The following EXOC4 variants were observed in gnomAD, a reference collection of about 807,000 sequenced individuals.
The protein encoded by EXOC4 is exocyst complex component 4.
Under a neutral mutation model 107.2 loss-of-function variants are expected in EXOC4, and 71 were observed. That is an observed-to-expected ratio of 0.66 (90% CI 0.55 to 0.81). EXOC4 has a LOEUF of 0.81. Among genes scored for constraint, EXOC4 ranks in the 30% least tolerant of loss-of-function variants. The pLI, the probability that EXOC4 is intolerant of heterozygous loss-of-function variation, is 0.00. For synonymous variants in EXOC4, 456 were observed against 441.2 expected, an observed-to-expected ratio of 1.03 and a Z score of -0.42; for missense variants, 1,108 against 1,189.6, an observed-to-expected ratio of 0.93 and a Z score of 1.01.
intron 10 of EXOC4, among the ~76,000 whole-genome samples, chr7:133,677,368 A>G (rs945278396): frequency 6.6e-6 from 1 of 152,260 alleles, no homozygotes; most frequent in Admixed American, 6.5e-5. Context: ...TTTCATCTTT[A>G]GACACTTCCA....
In EXOC4 at chr7:133,735,219, CAAAAAAAAAAAAAAA is replaced by C. The variant is rs56769096; in HGVS notation, c.1515-82087_1515-82073del. 2.6e-3 allele frequency among the ~76,000 whole-genome samples: 87 copies of C among 33,512 alleles called. 1 individual carries two copies. In the East Asian group the frequency reaches 0.048, roughly 18 times the overall value. The allele number at this position is 33,512 out of a possible 152,430, so 22.0% of individuals were successfully genotyped here. On this transcript the variant is annotated intron_variant, in intron 10 of 17. Transcript: ENST00000253861. ...TGGGTGACAGAGGAAGACTCTGTCT[CAAAAAAAAAAAAAAA>C]AAAAAAAAAAAAAAAAAAGTTAAAG...
At chr7:133,397,124 G>C (rs1796985683) in intron 7 of EXOC4, among the ~76,000 whole-genome samples, 1 of 147,548 alleles carries the variant, frequency 6.8e-6, no homozygotes, top group East Asian at 2.0e-4. Flanking sequence ...GTTTCATTTG[G>C]TTTTCTTTTC....
At chr7:133,653,167 TG>T (rs1803203227) in intron 10 of EXOC4, among the ~76,000 whole-genome samples, 1 of 152,178 alleles carries the variant, frequency 6.6e-6, no homozygotes, top group African/African-American at 2.4e-5. Context: ...ATGGTGGGCC[TG>T]GGGGTGTCTT....
At chr7:133,467,347 A>G (rs375392521) in intron 7 of EXOC4, among the ~76,000 whole-genome samples, 1 of 151,360 alleles carries the variant, frequency 6.6e-6, no homozygotes, top group African/African-American at 2.4e-5. Context: ...AAACCTTTTA[A>G]TTTTTTAAAT....
At chr7:133,710,451 G>T (rs997487010) in intron 10 of EXOC4, among the ~76,000 whole-genome samples, 2 of 151,958 alleles carry the variant, frequency 1.3e-5, no homozygotes, top group South Asian at 4.2e-4. Context: ...ACGAGGTCAG[G>T]AGATCGAGAC....
intron 9 of EXOC4, among the ~76,000 whole-genome samples, chr7:133,530,975 GTC>G (rs1800171691): frequency 6.6e-6 from 1 of 152,032 alleles, no homozygotes; most frequent in Non-Finnish European, 1.5e-5. Context: ...TAGTTAAAGT[GTC>G]TCTAAGGTTG....
intron 10 of EXOC4, among the ~76,000 whole-genome samples, chr7:133,751,015 A>G (rs957151717): frequency 4.6e-5 from 7 of 152,196 alleles, no homozygotes; most frequent in African/African-American, 1.7e-4. Context: ...TAGTGTGGAG[A>G]AGGACCATTT....
intron 4 of EXOC4, among the ~76,000 whole-genome samples, chr7:133,312,587 T>C (rs997998682): frequency 6.6e-6 from 1 of 152,122 alleles, no homozygotes; most frequent in Non-Finnish European, 1.5e-5. Flanking sequence ...ATTATACCCT[T>C]GAAGGGAAAA....
intron 10 of EXOC4, among the ~76,000 whole-genome samples, chr7:133,779,927 C>A (rs534399217): frequency 2.6e-5 from 4 of 152,278 alleles, no homozygotes; most frequent in African/African-American, 9.6e-5. Flanking sequence ...CTCTTTGGGT[C>A]CCTGCTGTCT....
At chr7:134,025,076 A>T (rs904264184) in intron 17 of EXOC4, among the ~76,000 whole-genome samples, 4 of 152,306 alleles carry the variant, frequency 2.6e-5, no homozygotes, top group Middle Eastern at 3.4e-3. Context: ...TTCCTGGCTC[A>T]TCTTGGAGTT....
At position 133,576,647 on chromosome 7, in the gene EXOC4, C is replaced by G. The variant is rs758209487; in HGVS notation, c.1418-53398C>G. The G allele has an allele frequency of 1.8e-5, 23 of 1,289,536 alleles. 2 individuals carry two copies. In the South Asian group the frequency reaches 2.2e-4, roughly 12 times the overall value. The allele number at this position is 1,289,536 out of a possible 1,614,324, so 79.9% of individuals were successfully genotyped here. On this transcript the variant is annotated intron_variant, in intron 9 of 17. Coordinates refer to ENST00000253861, the MANE Select transcript of EXOC4 (RefSeq NM_021807.4). The stretch of plus-strand genomic sequence containing the variant: ...AGCTATTGCTAAATGTGATCTCACT[C>G]AGTTGAAAAAGAAACAATCAGAAGT...
At chr7:134,016,720 G>C (rs1282793287) in intron 17 of EXOC4, among the ~76,000 whole-genome samples, 1 of 152,200 alleles carries the variant, frequency 6.6e-6, no homozygotes, top group African/African-American at 2.4e-5. Context: ...TTCCTCCCAG[G>C]GGAGCTGTTT....
chr7:133,433,529 C>T (rs1797901125), intron 7 of EXOC4, among the ~76,000 whole-genome samples: 2 of 152,220 alleles, frequency 1.3e-5, no homozygotes, highest in Non-Finnish European at 1.5e-5. Flanking sequence ...GTCCAGCCTA[C>T]AGCCAAGTCC....
At chr7:133,902,306 G>C (rs532043164) in intron 12 of EXOC4, among the ~76,000 whole-genome samples, 7 of 152,206 alleles carry the variant, frequency 4.6e-5, no homozygotes, top group African/African-American at 1.4e-4. Context: ...CCCTAAATTT[G>C]TTAAACCTTT....
At chr7:133,317,089 A>C (rs1795006088) in intron 4 of EXOC4, among the ~76,000 whole-genome samples, 195 bp from the exon 5 acceptor site, 1 of 152,146 alleles carries the variant, frequency 6.6e-6, no homozygotes. Flanking sequence ...ATACATTTTT[A>C]TACCCCTGTC....
At chr7:133,974,946 C>T (rs1793792370) in intron 14 of EXOC4, among the ~76,000 whole-genome samples, 1 of 152,080 alleles carries the variant, frequency 6.6e-6, no homozygotes, top group Admixed American at 6.6e-5. Context: ...ATAATGCTTT[C>T]ACCCCAAATT....
At chr7:133,781,410 T>C (rs10488173) in intron 10 of EXOC4, among the ~76,000 whole-genome samples, 18,907 of 152,246 alleles carry the variant, frequency 0.12, 1,268 homozygotes, top group Middle Eastern at 0.15. Flanking sequence ...AAAAGAACAG[T>C]GGGCCTGGAT....
At chr7:133,666,786 G>A (rs1022077777) in intron 10 of EXOC4, among the ~76,000 whole-genome samples, 1 of 152,086 alleles carries the variant, frequency 6.6e-6, no homozygotes, top group Non-Finnish European at 1.5e-5. Flanking sequence ...ATAGACTGAT[G>A]GATTAGGACC....
intron 10 of EXOC4, among the ~76,000 whole-genome samples, chr7:133,706,380 T>C (rs1227755052): frequency 6.6e-6 from 1 of 152,220 alleles, no homozygotes; most frequent in East Asian, 1.9e-4. Context: ...CACAAACATA[T>C]TAGTATTTGT....
Sources: allele counts gnomAD v4.1 joint callset (sites outside exome capture counted in the v4.1 genomes callset), GRCh38; gene constraint gnomAD v4.1.1; transcripts MANE v1.5; gene names NCBI Gene and HGNC (gene_info 2026-07-23, HGNC 2026-07-21).